Variants in MPHOSPH9 observed in about 807,000 individuals in gnomAD.
MPHOSPH9 encodes M-phase phosphoprotein 9.
In MPHOSPH9, 88 loss-of-function variants were observed where a neutral mutation model predicts 145.5. The observed-to-expected ratio is 0.60, with a 90% CI of 0.51 to 0.72. MPHOSPH9 has a LOEUF of 0.72. Among genes scored for constraint, MPHOSPH9 ranks in the 30% least tolerant of loss-of-function variants. The pLI, the probability that MPHOSPH9 is intolerant of heterozygous loss-of-function variation, is 0.00. For missense variants in MPHOSPH9, 1,238 were observed against 1,386.6 expected (o/e 0.89, Z 1.70); for synonymous variants, 435 against 486.2 (o/e 0.89, Z 1.39).
chr12:123,203,205 G>C (rs200000414), intron 9 of MPHOSPH9, 45 bp downstream of exon 9: 2 of 1,606,230 alleles, frequency 1.2e-6, no homozygotes, highest in Admixed American at 1.7e-5. Context: ...GTTAGAGTCA[G>C]GAAGCATTGT....
chr12:123,181,277 T>C (rs1385929307), intron 13 of MPHOSPH9, 67 bp from the exon 14 acceptor site: 86 of 1,413,524 alleles, frequency 6.1e-5, no homozygotes, highest in Non-Finnish European at 8.4e-5. Context: ...TGAGGTACAG[T>C]CTACAAAATA....
intron 7 of MPHOSPH9, among the ~76,000 whole-genome samples, chr12:123,213,275 T>A (rs973196836): frequency 4.6e-5 from 7 of 152,190 alleles, no homozygotes; most frequent in African/African-American, 1.7e-4. Context: ...GTAAGTGTTC[T>A]GAGCACATTT....
At chr12:123,166,925 T>C in intron 16 of MPHOSPH9, 136 bp from the exon 17 acceptor site, 3 of 899,620 alleles carry the variant, frequency 3.3e-6, no homozygotes, top group Non-Finnish European at 4.9e-6. Context: ...TAACAATCTA[T>C]ATTTTGGATA....
chr12:123,174,435 C>T (rs952108039), intron 16 of MPHOSPH9, among the ~76,000 whole-genome samples: 16 of 150,900 alleles, frequency 1.1e-4, no homozygotes, highest in East Asian at 1.9e-4. Context: ...TGCAGTGGCG[C>T]GATCTTGGCT....
At chr12:123,211,684 C>CTTTTTTTTTTTTTTTTTTTTTTTTT (rs147321517) in intron 7 of MPHOSPH9, among the ~76,000 whole-genome samples, 4 of 67,758 alleles carry the variant, frequency 5.9e-5, no homozygotes, top group Non-Finnish European at 1.2e-4. Flanking sequence ...TAGACAATTT[C>CTTTTTTTTTTTTTTTTTTTTTTTTT]TTTTTTTTTT....
chr12:123,200,968 C>T (rs1475464419), intron 11 of MPHOSPH9, among the ~76,000 whole-genome samples: 2 of 152,030 alleles, frequency 1.3e-5, no homozygotes, highest in African/African-American at 4.8e-5. Flanking sequence ...CTCATCTTTG[C>T]CTTCTAAACA....
At chr12:123,240,209 CAAAAA>C (rs55859746) in intron 1 of MPHOSPH9, among the ~76,000 whole-genome samples, 12 of 135,036 alleles carry the variant, frequency 8.9e-5, no homozygotes, top group Non-Finnish European at 1.1e-4. Flanking sequence ...ATTAAAAATA[CAAAAA>C]AAAAAAAAAA....
intron 16 of MPHOSPH9, among the ~76,000 whole-genome samples, chr12:123,170,945 G>C (rs1017106305): frequency 6.6e-6 from 1 of 152,168 alleles, no homozygotes; most frequent in Admixed American, 6.5e-5. Flanking sequence ...TAACCTGTCC[G>C]ATGGTGTGAA....
At chr12:123,232,305 G>C (rs1217021386) in intron 1 of MPHOSPH9, among the ~76,000 whole-genome samples, 2 of 152,024 alleles carry the variant, frequency 1.3e-5, no homozygotes, top group African/African-American at 4.8e-5. Flanking sequence ...TCTCCATTTG[G>C]GGTGGAGGTG....
chr12:123,180,340 G>A (rs536476220), intron 14 of MPHOSPH9, among the ~76,000 whole-genome samples: 5 of 152,120 alleles, frequency 3.3e-5, no homozygotes, highest in African/African-American at 7.2e-5. Flanking sequence ...ATCTGCTCCC[G>A]AACCCTCAGA....
At chr12:123,224,249 C>G (rs1469516539) in intron 3 of MPHOSPH9, among the ~76,000 whole-genome samples, 18 of 151,528 alleles carry the variant, frequency 1.2e-4, no homozygotes, top group Admixed American at 1.1e-3. Flanking sequence ...ATTCTCCTGC[C>G]TCAGCCCCCA....
intron 3 of MPHOSPH9, 27 bp downstream of exon 3, chr12:123,227,436 T>C: frequency 7.0e-7 from 1 of 1,419,538 alleles, no homozygotes; most frequent in Non-Finnish European, 9.3e-7. Flanking sequence ...TATTTTAAAA[T>C]TCCAAAAATA....
At chr12:123,220,827 G>A (rs996050763) in intron 5 of MPHOSPH9, among the ~76,000 whole-genome samples, 20 of 152,180 alleles carry the variant, frequency 1.3e-4, no homozygotes, top group Middle Eastern at 3.4e-3. Context: ...AGGCAGAGGC[G>A]GGCAGATCAC....
intron 1 of MPHOSPH9, among the ~76,000 whole-genome samples, chr12:123,238,663 G>A (rs914095909): frequency 6.6e-6 from 1 of 152,144 alleles, no homozygotes; most frequent in Admixed American, 6.5e-5. Context: ...GCAATCAGAA[G>A]AACTTGCTGA....
intron 12 of MPHOSPH9, among the ~76,000 whole-genome samples, chr12:123,196,649 TA>T (rs1374232079): frequency 3.9e-5 from 6 of 152,198 alleles, no homozygotes; most frequent in African/African-American, 1.4e-4. Flanking sequence ...ATAAAAAGTT[TA>T]TGCACTTTTA....
chr12:123,232,019 G>A (rs901287012), intron 1 of MPHOSPH9, among the ~76,000 whole-genome samples: 4 of 150,846 alleles, frequency 2.7e-5, no homozygotes, highest in Non-Finnish European at 5.9e-5. Flanking sequence ...TCAGGGACAG[G>A]AGTGAATGCA....
At chr12:123,231,153 G>T (rs1281634120) in intron 1 of MPHOSPH9, among the ~76,000 whole-genome samples, 2 of 152,070 alleles carry the variant, frequency 1.3e-5, no homozygotes, top group Admixed American at 6.6e-5. Context: ...AATAATCAAG[G>T]TTCTTTTTTT....
upstream of MPHOSPH9, among the ~76,000 whole-genome samples, chr12:123,234,202 GTC>G (rs1199140963): frequency 6.6e-6 from 1 of 152,100 alleles, no homozygotes; most frequent in African/African-American, 2.4e-5. Context: ...AACCTTTAAG[GTC>G]TTTCCAGCTA....
intron 12 of MPHOSPH9, among the ~76,000 whole-genome samples, chr12:123,196,640 T>C (rs2045960191): frequency 6.6e-6 from 1 of 152,112 alleles, no homozygotes. Flanking sequence ...AATTTTAGCA[T>C]AAAAAGTTTA....
Sources: allele counts gnomAD v4.1 joint callset (sites outside exome capture counted in the v4.1 genomes callset), GRCh38; gene constraint gnomAD v4.1.1; transcripts MANE v1.5; gene names NCBI Gene and HGNC (gene_info 2026-07-23, HGNC 2026-07-21).